RPS6KC1: variants seen among roughly 807,000 people sequenced by gnomAD.
The protein encoded by RPS6KC1 is ribosomal protein S6 kinase C1.
Under a neutral mutation model 103.8 loss-of-function variants are expected in RPS6KC1, and 54 were observed. That is an observed-to-expected ratio of 0.52 (90% CI 0.42 to 0.65). The LOEUF is 0.65. Among genes scored for constraint, RPS6KC1 ranks in the 30% least tolerant of loss-of-function variants. The pLI is 0.00. For missense variants in RPS6KC1, 1,151 were observed against 1,253.8 expected, an observed-to-expected ratio of 0.92 and a Z score of 1.24; for synonymous variants, 439 against 438.7, an observed-to-expected ratio of 1.00 and a Z score of -0.01.
chr1:213,641,440 C>T, the RPS6KC1 span, among the ~76,000 whole-genome samples: 1 of 151,744 alleles, frequency 6.6e-6, no homozygotes, highest in Non-Finnish European at 1.5e-5. Context: ...AGATTTAGAC[C>T]CGAAGTTTCG....
At chr1:213,207,901 T>C (rs1382926488) in intron 8 of RPS6KC1, among the ~76,000 whole-genome samples, 2 of 152,038 alleles carry the variant, frequency 1.3e-5, no homozygotes, top group Non-Finnish European at 2.9e-5. Flanking sequence ...TTGAACGCCA[T>C]ACGTCAAGTG....
intron 10 of RPS6KC1, among the ~76,000 whole-genome samples, chr1:213,239,670 AAT>A (rs1208633499): frequency 6.6e-6 from 1 of 152,140 alleles, no homozygotes; most frequent in Non-Finnish European, 1.5e-5. Flanking sequence ...TCTTTATATG[AAT>A]AGAGGGATTT....
chr1:213,128,456 C>T (rs1024785817), intron 5 of RPS6KC1, among the ~76,000 whole-genome samples: 10 of 152,176 alleles, frequency 6.6e-5, no homozygotes, highest in African/African-American at 2.4e-4. Flanking sequence ...TTTTTAGAGT[C>T]CACAATCATT....
the RPS6KC1 span, among the ~76,000 whole-genome samples, chr1:213,807,112 C>G: frequency 6.6e-6 from 1 of 152,230 alleles, no homozygotes; most frequent in African/African-American, 2.4e-5. Flanking sequence ...TTGGCCCCCA[C>G]TCTCTTCTGG....
At chr1:213,592,830 A>C in the RPS6KC1 span, among the ~76,000 whole-genome samples, 3 of 152,360 alleles carry the variant, frequency 2.0e-5, no homozygotes, top group South Asian at 2.1e-4. Flanking sequence ...GGAAGCAGAC[A>C]TTGACAAGCC....
At chr1:213,232,577 C>G (rs2094129085) in intron 10 of RPS6KC1, among the ~76,000 whole-genome samples, 1 of 152,162 alleles carries the variant, frequency 6.6e-6, no homozygotes, top group African/African-American at 2.4e-5. Context: ...ATTTTGTTCG[C>G]TTGTTCCCTG....
the RPS6KC1 span, among the ~76,000 whole-genome samples, chr1:213,708,148 G>T: frequency 6.6e-6 from 1 of 152,056 alleles, no homozygotes; most frequent in Non-Finnish European, 1.5e-5. Context: ...GCAATTTTCA[G>T]GATATTGATT....
chr1:213,384,093 G>A, the RPS6KC1 span, among the ~76,000 whole-genome samples: 1 of 151,998 alleles, frequency 6.6e-6, no homozygotes, highest in Non-Finnish European at 1.5e-5. Context: ...TGGCTAACAC[G>A]GTGAAACCCT....
intron 1 of RPS6KC1, among the ~76,000 whole-genome samples, chr1:213,062,586 C>T (rs1199128050): frequency 6.6e-6 from 1 of 150,750 alleles, no homozygotes; most frequent in African/African-American, 2.4e-5. Flanking sequence ...GGGGCGGAGT[C>T]TCGCTCTGTC....
At chr1:213,648,998 C>T in the RPS6KC1 span, among the ~76,000 whole-genome samples, 7 of 152,120 alleles carry the variant, frequency 4.6e-5, no homozygotes, top group African/African-American at 1.7e-4. Context: ...CACTAGGACA[C>T]GGTCTCCACC....
the RPS6KC1 span, among the ~76,000 whole-genome samples, chr1:213,607,099 C>T: frequency 6.6e-6 from 1 of 152,170 alleles, no homozygotes; most frequent in Non-Finnish European, 1.5e-5. Flanking sequence ...ACGTGCTCAG[C>T]AATGTTTTCA....
chr1:213,466,337 A>G, the RPS6KC1 span, among the ~76,000 whole-genome samples: 1 of 152,192 alleles, frequency 6.6e-6, no homozygotes, highest in Admixed American at 6.5e-5. Flanking sequence ...GCTGAATGAG[A>G]CTGTCTCCCC....
the RPS6KC1 span, among the ~76,000 whole-genome samples, chr1:213,622,041 C>G: frequency 1.3e-5 from 2 of 152,142 alleles, no homozygotes; most frequent in African/African-American, 4.8e-5. Context: ...CCCCAACTCT[C>G]TCACCTCCTC....
chr1:213,629,066 TG>T, the RPS6KC1 span, among the ~76,000 whole-genome samples: 1 of 152,170 alleles, frequency 6.6e-6, no homozygotes, highest in Admixed American at 6.5e-5. Context: ...TCTGTTGATT[TG>T]GGGTGGAGAG....
At chr1:213,842,992 T>G in the RPS6KC1 span, among the ~76,000 whole-genome samples, 3 of 152,198 alleles carry the variant, frequency 2.0e-5, no homozygotes, top group Admixed American at 2.0e-4. Flanking sequence ...TTTACATGAT[T>G]GTGGGGCTGG....
chr1:213,753,728 C>T, the RPS6KC1 span, among the ~76,000 whole-genome samples: 1 of 152,216 alleles, frequency 6.6e-6, no homozygotes, highest in African/African-American at 2.4e-5. Flanking sequence ...GAAGGCACAT[C>T]TATTTCTATG....
chr1:213,131,024 T>G (rs1309544846), intron 6 of RPS6KC1, among the ~76,000 whole-genome samples: 1 of 152,202 alleles, frequency 6.6e-6, no homozygotes, highest in Admixed American at 6.5e-5. Context: ...TAAAGAAATT[T>G]TTGACTGCCA....
chr1:213,635,065 A>C, the RPS6KC1 span, among the ~76,000 whole-genome samples: 1 of 152,190 alleles, frequency 6.6e-6, no homozygotes, highest in Non-Finnish European at 1.5e-5. Flanking sequence ...TCCCAAAACT[A>C]ACCCAGGAAG....
At chr1:213,683,904 T>G in the RPS6KC1 span, among the ~76,000 whole-genome samples, 1 of 152,142 alleles carries the variant, frequency 6.6e-6, no homozygotes, top group Non-Finnish European at 1.5e-5. Flanking sequence ...TAACTGGAAT[T>G]ACCTGGGGCA....
Sources: gnomAD v4.1 joint callset for allele counts (sites outside exome capture counted in the v4.1 genomes callset) on GRCh38, gnomAD v4.1.1 for gene constraint, MANE v1.5 for transcripts, NCBI Gene and HGNC (gene_info 2026-07-23, HGNC 2026-07-21) for gene names.